Variants in SKIL observed in about 807,000 individuals in gnomAD.
The protein encoded by SKIL is SKI like proto-oncogene.
Under a neutral mutation model 69.6 loss-of-function variants are expected in SKIL, and 20 were observed. That is an observed-to-expected ratio of 0.29 (90% CI 0.20 to 0.42). The LOEUF is 0.42. Among genes scored for constraint, SKIL ranks in the 10% least tolerant of loss-of-function variants. The pLI, the probability that SKIL is intolerant of heterozygous loss-of-function variation, is 1.00. For synonymous variants in SKIL, 310 were observed against 279.9 expected (o/e 1.11, Z -1.08); for missense variants, 745 against 783.1 (o/e 0.95, Z 0.58).
chr3:170,360,604 A>G lies in SKIL; in HGVS notation c.273A>G (p.Ala91=). 1 of 1,614,238 alleles carries G rather than the reference A, an allele frequency of 6.2e-7. No homozygotes were observed. The highest frequency in any genetic ancestry group is 1.1e-5 in the South Asian group (1 of 91,084). ...HLNPSLKHTL[A]QFHLSSQSSL... ...ATCCCAGTTTGAAACACACATTGGCACAATTCCATTTAAGTAGTCAGAGCT... is the reference window on the plus strand; with the variant it reads ...ATCCCAGTTTGAAACACACATTGGCGCAATTCCATTTAAGTAGTCAGAGCT... Residue 91 remains alanine, a synonymous_variant, in exon 2 of 7, where the codon GCA becomes GCG. Coordinates refer to ENST00000259119, the MANE Select transcript of SKIL (RefSeq NM_005414.5).
intron 6 of SKIL, 122 bp downstream of exon 6, chr3:170,391,382 A>G (rs1273502997): frequency 3.4e-5 from 21 of 612,452 alleles, no homozygotes; most frequent in Non-Finnish European, 2.9e-6. Context: ...CAGTGGCACA[A>G]TCTCAGCTCC....
chr3:170,370,438 A>C (rs186507741), intron 2 of SKIL, among the ~76,000 whole-genome samples: 486 of 12,354 alleles, frequency 0.039, 16 homozygotes, highest in South Asian at 0.12. Context: ...AGAGAGAGAG[A>C]GCCCCCCCCC....
intron 1 of SKIL, among the ~76,000 whole-genome samples, chr3:170,358,084 C>T (rs1248169878): frequency 1.3e-5 from 2 of 152,154 alleles, no homozygotes; most frequent in Non-Finnish European, 2.9e-5. Context: ...TCACCGCCCC[C>T]CTCCCCCAGT....
intron 2 of SKIL, among the ~76,000 whole-genome samples, chr3:170,362,449 C>T (rs960569228): frequency 1.3e-5 from 2 of 152,140 alleles, no homozygotes; most frequent in Non-Finnish European, 2.9e-5. Flanking sequence ...TTGTAGTGAG[C>T]CGAGATTGTG....
rs1259594965 is a variant in SKIL, at chr3:170,361,237, G to A, written c.906G>A (p.Thr302=). ...GTTGTGGAATGTTTGCACCCCAGAC[G>A]TTTGTGATGCATTCTCACAGATCAC... is the stretch of plus-strand genomic sequence containing the variant. The part of the protein sequence containing the change: ...LECCGMFAPQ[T]FVMHSHRSPD... The change falls in exon 2 of 7, where the codon ACG becomes ACA. Residue 302 remains threonine, a synonymous_variant. Transcript: ENST00000259119. The A allele has an allele frequency of 5.0e-6, 8 of 1,614,070 alleles. No homozygotes were observed. Among genetic ancestry groups the A allele is most frequent in the East Asian group, 2.2e-5 (1 of 44,900 alleles).
rs993539736 is a variant in SKIL at position 170,381,407 on chromosome 3, C to T, written c.1196+66C>T. 8 of 815,076 alleles carry T rather than the reference C, an allele frequency of 9.8e-6. No individual in the cohort carries two copies. The Admixed American group carries it at 1.2e-4, about 12-fold the overall frequency. The allele number at this position is 815,076 out of a possible 1,614,324, so 50.5% of individuals were successfully genotyped here. On this transcript the variant is annotated intron_variant, in intron 3 of 6. Transcript: ENST00000259119. ...TCATTCAACAACTATATGCCATGCA[C>T]TATTCTAGGACATGGGAATTTAATT... is the stretch of plus-strand genomic sequence containing the variant.
chr3:170,375,779 T>C (rs1268423224), intron 2 of SKIL, among the ~76,000 whole-genome samples: 1 of 152,004 alleles, frequency 6.6e-6, no homozygotes, highest in African/African-American at 2.4e-5. Flanking sequence ...GGGGTCTCTC[T>C]ATGTTGTCCA....
At chr3:170,378,876 TATTTA>T (rs1218497569) in intron 2 of SKIL, among the ~76,000 whole-genome samples, 12 of 150,536 alleles carry the variant, frequency 8.0e-5, no homozygotes, top group African/African-American at 2.5e-4. Context: ...TTTATTTATT[TATTTA>T]TTTTTTTTAT....
chr3:170,376,748 GTAT>G (rs1011728738), intron 2 of SKIL, among the ~76,000 whole-genome samples: 6 of 152,042 alleles, frequency 3.9e-5, no homozygotes, highest in African/African-American at 1.2e-4. Context: ...GCTAATTTTT[GTAT>G]TATTATTAGA....
At chr3:170,358,455 C>T (rs957489646) in intron 1 of SKIL, 9 of 152,508 alleles carry the variant, frequency 5.9e-5, no homozygotes, top group Non-Finnish European at 1.2e-4. Context: ...TTCTCCCTCT[C>T]TCCGGGTTAG....
At chr3:170,391,526 G>A (rs911090761) in intron 6 of SKIL, among the ~76,000 whole-genome samples, 4 of 151,784 alleles carry the variant, frequency 2.6e-5, no homozygotes, top group South Asian at 2.1e-4. Flanking sequence ...TCACCATGTT[G>A]GTCAGTCTGG....
intron 2 of SKIL, among the ~76,000 whole-genome samples, chr3:170,369,340 C>T (rs543745113): frequency 6.6e-6 from 1 of 152,212 alleles, no homozygotes; most frequent in South Asian, 2.1e-4. Flanking sequence ...CAGTAGTTTT[C>T]TCGTAGCAGT....
intron 2 of SKIL, among the ~76,000 whole-genome samples, chr3:170,365,731 A>G (rs1394333732): frequency 1.4e-5 from 2 of 143,810 alleles, no homozygotes; most frequent in Admixed American, 1.4e-4. Flanking sequence ...GAGGGAGCTC[A>G]TTTTAAAAAG....
chr3:170,390,173 T>C (rs1737839284), intron 4 of SKIL, 50 bp from the exon 5 acceptor site: 1 of 1,368,966 alleles, frequency 7.3e-7, no homozygotes, highest in Middle Eastern at 1.8e-4. Flanking sequence ...TAGTGATTTT[T>C]TTAATGGAGT....
chr3:170,391,881 A>G (rs1218841046), intron 6 of SKIL, among the ~76,000 whole-genome samples: 2 of 152,248 alleles, frequency 1.3e-5, no homozygotes, highest in South Asian at 4.1e-4. Context: ...CAAATTAACA[A>G]ACAGGAACTG....
Position 170,376,817 on chromosome 3 carries a change from C to G in SKIL, c.1099-4427C>G, listed in dbSNP as rs1737057001. On this transcript the variant is annotated intron_variant, in intron 2 of 6. Transcript: ENST00000259119. ...TCTCAAACTCCTGAGCTGAAGCAGT[C>G]TGCCCACTTTGGCCTCCCAAAGTGC... Among the ~76,000 whole-genome samples, 4 of 152,322 alleles carry G rather than the reference C, an allele frequency of 2.6e-5. No homozygotes were observed. The South Asian group carries it at 8.3e-4, about 32-fold the overall frequency.
At position 170,359,757 on chromosome 3, in the gene SKIL, C is replaced by T. The variant is rs757153315; in HGVS notation, c.-575C>T. 1 of 152,090 alleles carries T rather than the reference C, an allele frequency of 6.6e-6. No homozygotes were observed. Among genetic ancestry groups the T allele is most frequent in the Non-Finnish European group, 1.5e-5 (1 of 68,028 alleles). 9.4% of individuals were successfully genotyped at this position (152,090 alleles called of 1,614,324 possible). On this transcript the variant is annotated 5_prime_UTR_variant, in exon 2 of 7. Transcript: ENST00000259119. Reference sequence around the variant, plus strand: ...AAGATAACTGGGCAATTTTTTAAGTCGGAGGCTGTTCTTACTGGTGTGAGG... The same window carrying T: ...AAGATAACTGGGCAATTTTTTAAGTTGGAGGCTGTTCTTACTGGTGTGAGG...
chr3:170,381,876 TC>T (rs1737371997), intron 3 of SKIL, among the ~76,000 whole-genome samples: 1 of 151,836 alleles, frequency 6.6e-6, no homozygotes, highest in Non-Finnish European at 1.5e-5. Flanking sequence ...GGTCAGGAGA[TC>T]GAGACCATCC....
rs1020099544 is a variant in SKIL at position 170,392,681 on chromosome 3, C to T, written c.*264C>T. ...TATATGGTTTCAACTAGTAGGTAAT[C>T]TGCTTATATTTCTAATGCAAACTTA... On this transcript the variant is annotated 3_prime_UTR_variant, in exon 7 of 7. Transcript: ENST00000259119. 4 of 216,054 alleles carry T rather than the reference C, an allele frequency of 1.9e-5. No individual in the cohort carries two copies. The Admixed American group carries it at 2.3e-4, about 13-fold the overall frequency. The allele number at this position is 216,054 out of a possible 1,614,324, so 13.4% of individuals were successfully genotyped here.
Sources: allele counts gnomAD v4.1 joint callset (sites outside exome capture counted in the v4.1 genomes callset), GRCh38; gene constraint gnomAD v4.1.1; transcripts MANE v1.5; gene names NCBI Gene and HGNC (gene_info 2026-07-23, HGNC 2026-07-21).